Variants in TMEM161B observed in about 807,000 individuals in gnomAD.
The protein encoded by TMEM161B is transmembrane protein 161B.
A neutral mutation model predicts 61.8 loss-of-function variants in TMEM161B; 34 were observed. That is an observed-to-expected ratio of 0.55 (90% CI 0.42 to 0.73). The LOEUF (loss-of-function observed/expected upper bound fraction) is 0.73. TMEM161B is among the 30% of genes least tolerant of loss of function. The pLI is 0.00. For missense variants in TMEM161B, 456 were observed against 558.5 expected, an observed-to-expected ratio of 0.82 and a Z score of 1.85; for synonymous variants, 167 against 192.8, an observed-to-expected ratio of 0.87 and a Z score of 1.11.
chr5:88,268,461 G>C (rs1357822941), intron 1 of TMEM161B, among the ~76,000 whole-genome samples: 1 of 152,160 alleles, frequency 6.6e-6, no homozygotes, highest in Non-Finnish European at 1.5e-5. Flanking sequence ...AATGGGCCAT[G>C]AACAGGCAGG....
chr5:88,264,215 TA>T (rs1325214144), intron 1 of TMEM161B, among the ~76,000 whole-genome samples: 13 of 151,488 alleles, frequency 8.6e-5, no homozygotes, highest in Non-Finnish European at 1.8e-4. Flanking sequence ...ATCCAGAATC[TA>T]CAAGGAACTT....
At chr5:88,196,943 C>T (rs1417335780) in intron 11 of TMEM161B, among the ~76,000 whole-genome samples, 1 of 152,104 alleles carries the variant, frequency 6.6e-6, no homozygotes, top group Admixed American at 6.6e-5. Flanking sequence ...TCATCATATA[C>T]TTTCCTACAG....
chr5:88,241,598 T>C (rs1252963415), intron 1 of TMEM161B, among the ~76,000 whole-genome samples: 1 of 151,802 alleles, frequency 6.6e-6, no homozygotes, highest in Admixed American at 6.6e-5. Flanking sequence ...AACCATTAAC[T>C]ATACGAAGTG....
chr5:88,195,721 G>A lies in TMEM161B; in HGVS notation c.*490C>T. 1 of 986,438 alleles carries A rather than the reference G, an allele frequency of 1.0e-6. No homozygotes were observed. Among genetic ancestry groups the A allele is most frequent in the Non-Finnish European group, 1.2e-6 (1 of 830,528 alleles). The allele number at this position is 986,438 out of a possible 1,614,324, so 61.1% of individuals were successfully genotyped here. A position where few individuals can be genotyped will look rare whatever the true frequency, so the allele number is the denominator to read the frequency against. ...AGTAGCTATCTCTTCCTTTCTGTTG[G>A]ATTTTATTGTTTCAAGAGTAACTAA... On this transcript the variant is annotated 3_prime_UTR_variant, in exon 12 of 12. Transcript: ENST00000296595.
intron 2 of TMEM161B, among the ~76,000 whole-genome samples, chr5:88,238,679 A>G (rs1752250021): frequency 6.6e-6 from 1 of 152,062 alleles, no homozygotes; most frequent in Admixed American, 6.6e-5. Context: ...TCTGATCAGT[A>G]ATATTTTTAC....
intron 2 of TMEM161B, among the ~76,000 whole-genome samples, chr5:88,235,718 C>T (rs1011431635): frequency 6.6e-6 from 1 of 152,196 alleles, no homozygotes; most frequent in Admixed American, 6.5e-5. Context: ...TTTGTAATAG[C>T]AGCCCTAACC....
At chr5:88,247,530 C>A (rs1753768444) in intron 1 of TMEM161B, among the ~76,000 whole-genome samples, 1 of 151,984 alleles carries the variant, frequency 6.6e-6, no homozygotes, top group Admixed American at 6.6e-5. Context: ...ATATTATATC[C>A]CAATGACCTT....
intron 5 of TMEM161B, among the ~76,000 whole-genome samples, chr5:88,220,349 C>G (rs1748678965): frequency 6.6e-6 from 1 of 151,864 alleles, no homozygotes; most frequent in Non-Finnish European, 1.5e-5. Flanking sequence ...TGACATTAGA[C>G]TTGGATAAGA....
At chr5:88,199,467 G>A (rs926399498) in intron 9 of TMEM161B, 4 of 183,574 alleles carry the variant, frequency 2.2e-5, no homozygotes, top group Non-Finnish European at 4.5e-5. Context: ...AGACAAGTTG[G>A]GGAAAGAAAG....
chr5:88,189,330 T>C (rs1319658129), downstream of TMEM161B, among the ~76,000 whole-genome samples: 3 of 152,118 alleles, frequency 2.0e-5, no homozygotes, highest in East Asian at 1.9e-4. Context: ...GCTTCGGCTA[T>C]GCGTGGACCA....
In TMEM161B at chr5:88,240,779, A is replaced by C. The variant is rs776033929; in HGVS notation, c.107+34T>G. On this transcript the variant is annotated intron_variant, in intron 2 of 11. Transcript: ENST00000296595. ...TCAGTTTGGTAAACTAGAGATTGAAAGTGTCAGTTGAAATCAGCCTATCCT... is the reference window on the plus strand; with the variant it reads ...TCAGTTTGGTAAACTAGAGATTGAACGTGTCAGTTGAAATCAGCCTATCCT... The C allele has an allele frequency of 1.0e-4, 151 of 1,451,414 alleles. 2 individuals are homozygous for C. In the Admixed American group the frequency reaches 2.5e-3, roughly 24 times the overall value. The allele number at this position is 1,451,414 out of a possible 1,614,324, so 89.9% of individuals were successfully genotyped here.
chr5:88,213,640 GCAGCTAAAAGAGCAAAGT>G (rs1747283419), intron 5 of TMEM161B, among the ~76,000 whole-genome samples: 1 of 151,894 alleles, frequency 6.6e-6, no homozygotes. Flanking sequence ...TTATCACTTT[GCAGCTAAAAGAGCAAAGT>G]CAGACTCAAT....
intron 7 of TMEM161B, 126 bp downstream of exon 7, chr5:88,206,313 T>C (rs774529080): frequency 1.4e-5 from 10 of 738,240 alleles, no homozygotes; most frequent in Non-Finnish European, 2.2e-5. Context: ...AGTAAGGATG[T>C]TTCTAGAAGT....
chr5:88,219,016 T>A (rs975548235), intron 5 of TMEM161B, among the ~76,000 whole-genome samples: 20 of 152,152 alleles, frequency 1.3e-4, no homozygotes, highest in African/African-American at 4.8e-4. Context: ...AAGATGACAA[T>A]CAGTGATACC....
At chr5:88,254,260 G>T (rs370877410) in intron 1 of TMEM161B, among the ~76,000 whole-genome samples, 8 of 152,284 alleles carry the variant, frequency 5.3e-5, no homozygotes, top group African/African-American at 1.7e-4. Flanking sequence ...GATCAGGGTA[G>T]TTGAAAAACT....
chr5:88,241,772 T>C (rs1752777457), intron 1 of TMEM161B, among the ~76,000 whole-genome samples: 1 of 151,820 alleles, frequency 6.6e-6, no homozygotes, highest in South Asian at 2.1e-4. Context: ...TTCTTTCCTC[T>C]CTTCACATCT....
intron 5 of TMEM161B, among the ~76,000 whole-genome samples, chr5:88,216,247 G>A (rs1384125286): frequency 2.0e-5 from 3 of 151,872 alleles, no homozygotes; most frequent in Non-Finnish European, 4.4e-5. Flanking sequence ...CCTTGTCTCT[G>A]GGGAAAAAAA....
At chr5:88,260,547 GCTCAAGTGATCTACCCACCTCAGC>G (rs1222184054) in intron 1 of TMEM161B, among the ~76,000 whole-genome samples, 1 of 152,034 alleles carries the variant, frequency 6.6e-6, no homozygotes, top group African/African-American at 2.4e-5. Flanking sequence ...AAACTCCTGG[GCTCAAGTGATCTACCCACCTCAGC>G]CTCCCAAGTA....
At position 88,261,606 on chromosome 5, in the gene TMEM161B, G is replaced by A. The variant is rs550145286; in HGVS notation, c.3+7115C>T. Among the ~76,000 whole-genome samples the A allele has an allele frequency of 9.3e-5, 14 of 150,310 alleles. No individual in the cohort carries two copies. The East Asian group carries it at 2.5e-3, about 27-fold the overall frequency. On this transcript the variant is annotated intron_variant, in intron 1 of 11. Coordinates refer to ENST00000296595, the MANE Select transcript of TMEM161B (RefSeq NM_153354.5). Reference sequence around the variant, plus strand: ...CAGATCAACAGAATAGAATAGAGGGGCCAGAAATAGACCCACATATAGTCA... The same window carrying A: ...CAGATCAACAGAATAGAATAGAGGGACCAGAAATAGACCCACATATAGTCA...
Sources: gnomAD v4.1 joint callset for allele counts (sites outside exome capture counted in the v4.1 genomes callset) on GRCh38, gnomAD v4.1.1 for gene constraint, MANE v1.5 for transcripts, NCBI Gene and HGNC (gene_info 2026-07-23, HGNC 2026-07-21) for gene names.